NSD2: variants seen among roughly 807,000 people sequenced by gnomAD.
NSD2 encodes nuclear receptor binding SET domain protein 2.
NSD2 carries 12 observed loss-of-function variants against 139.0 expected under a neutral mutation model. The observed-to-expected ratio is 0.09, with a 90% CI of 0.06 to 0.14. The LOEUF (loss-of-function observed/expected upper bound fraction) is 0.14. NSD2 is among the 10% of genes least tolerant of loss of function. The pLI is 1.00. For synonymous variants in NSD2, 669 were observed against 648.7 expected (o/e 1.03, Z -0.48); for missense variants, 1,155 against 1,745.0 (o/e 0.66, Z 6.02).
chr4:1,899,242 C>A (rs1410572391), intron 1 of NSD2: 1 of 152,202 alleles, frequency 6.6e-6, no homozygotes, highest in African/African-American at 2.4e-5. Context: ...TCTGTGGAGA[C>A]TGCGGGTTGC....
At chr4:1,920,460 G>A (rs1274465379) in intron 5 of NSD2, among the ~76,000 whole-genome samples, 1 of 152,140 alleles carries the variant, frequency 6.6e-6, no homozygotes, top group Admixed American at 6.6e-5. Flanking sequence ...AGGGTGATTT[G>A]ATGTTAGAAA....
chr4:1,886,706 C>T (rs764915930), intron 1 of NSD2, among the ~76,000 whole-genome samples: 13 of 151,938 alleles, frequency 8.6e-5, no homozygotes, highest in Non-Finnish European at 1.5e-4. Flanking sequence ...GGCGTGGTGG[C>T]GTGCACCTGT....
intron 11 of NSD2, chr4:1,952,927 C>G: frequency 7.1e-7 from 1 of 1,413,916 alleles, no homozygotes; most frequent in South Asian, 1.6e-5. Flanking sequence ...ACAGCAGCAC[C>G]TCACTTATGG....
intron 1 of NSD2, among the ~76,000 whole-genome samples, chr4:1,878,237 A>ATATATATATG (rs1714412303): frequency 3.3e-5 from 1 of 29,858 alleles, no homozygotes; most frequent in Admixed American, 4.2e-4. Context: ...ATATATATAT[A>ATATATATATG]TATATATATA....
rs928775781 is a variant in NSD2, at chr4:1,948,903, G to A, written c.1882-2169G>A. ...AAGCTTTTTAAGTTTGTTCCACCAC[G>A]TTAAGGGAAGAGCATGGGTTGGTGG... On this transcript the variant is annotated intron_variant, in intron 9 of 21. Transcript: ENST00000508803. The surrounding 1 kb of genome is among the most constrained non-coding windows in gnomAD (Gnocchi z 4.5). 8.1e-6 allele frequency: 6 copies of A among 744,574 alleles called. No homozygotes were observed. The highest frequency in any genetic ancestry group is 5.7e-5 in the African/African-American group (3 of 52,578). The allele number at this position is 744,574 out of a possible 1,614,324, so 46.1% of individuals were successfully genotyped here.
Position 1,872,633 on chromosome 4 carries a change from A to C in NSD2, c.-30+1091A>C, listed in dbSNP as rs547636015. ...GAGAGAGAGAGAGAGAGAGAGAGAG[A>C]GAGCGCGCAGACCCTGTGAAGACAA... On this transcript the variant is annotated intron_variant, in intron 1 of 21. Transcript: ENST00000508803. Among the ~76,000 whole-genome samples the C allele has an allele frequency of 4.6e-3, 602 of 131,108 alleles. 4 individuals carry two copies. The highest frequency in any genetic ancestry group is 8.2e-3 in the Non-Finnish European group (484 of 58,896). 86.0% of individuals were successfully genotyped at this position (131,108 alleles called of 152,430 possible).
At position 1,942,438 on chromosome 4, in the gene NSD2, G is replaced by A. The variant is rs756450084; in HGVS notation, c.1881+2660G>A. The A allele has an allele frequency of 3.8e-6, 6 of 1,598,458 alleles. No individual in the cohort carries two copies. The highest frequency in any genetic ancestry group is 2.3e-5 in the South Asian group (2 of 87,576). On this transcript the variant is annotated intron_variant, in intron 9 of 21. Coordinates refer to ENST00000508803, the MANE Select transcript of NSD2 (RefSeq NM_001042424.3). The surrounding 1 kb of genome is among the most constrained non-coding windows in gnomAD (Gnocchi z 4.0). ...ATTCCAGGATGCTGCTGCAGGTGGC[G>A]TATCATCGTACACACTCAGTGACAT...
chr4:1,958,393 C>T lies in NSD2; in HGVS notation c.2985+357C>T, dbSNP rs1282023777. Among the ~76,000 whole-genome samples, 3 of 152,234 alleles carry T rather than the reference C, an allele frequency of 2.0e-5. No individual in the cohort carries two copies. The highest frequency in any genetic ancestry group is 4.4e-5 in the Non-Finnish European group (3 of 68,028). On this transcript the variant is annotated intron_variant, in intron 16 of 21. Transcript: ENST00000508803. The surrounding 1 kb of genome is among the most constrained non-coding windows in gnomAD (Gnocchi z 4.6). ...GTCACATACGGCCAGGGCTCAGTGACTGAGCCCCAAACACGTAGATCCTGT... is the reference window on the plus strand; with the variant it reads ...GTCACATACGGCCAGGGCTCAGTGATTGAGCCCCAAACACGTAGATCCTGT...
In NSD2 at chr4:1,948,073, GA is replaced by G; in HGVS notation, c.1882-2997del. 9.5e-7 allele frequency: 1 copy of G among 1,058,138 alleles called. No homozygotes were observed. The highest frequency in any genetic ancestry group is 4.6e-5 in the South Asian group (1 of 21,908). 65.5% of individuals were successfully genotyped at this position (1,058,138 alleles called of 1,614,324 possible). A position where few individuals can be genotyped will look rare whatever the true frequency, so the allele number is the denominator to read the frequency against. On this transcript the variant is annotated intron_variant, in intron 9 of 21. Transcript: ENST00000508803. The surrounding 1 kb of genome is among the most constrained non-coding windows in gnomAD (Gnocchi z 4.5). The stretch of plus-strand genomic sequence containing the variant: ...GGAGACTGCATTCCCTGCCCTGAAG[GA>G]ATGTATTTCTAAGGCAAATAGGCAA...
chr4:1,917,885 A>T (rs551330849), intron 4 of NSD2, among the ~76,000 whole-genome samples: 12 of 143,812 alleles, frequency 8.3e-5, no homozygotes, highest in Non-Finnish European at 1.6e-4. Flanking sequence ...AGTTCAAGTG[A>T]TTCTCATGTC....
rs754994775 is a variant in NSD2, at chr4:1,948,537, G to T, written c.1882-2535G>T. On this transcript the variant is annotated intron_variant, in intron 9 of 21. Coordinates refer to ENST00000508803, the MANE Select transcript of NSD2 (RefSeq NM_001042424.3). The surrounding 1 kb of genome is among the most constrained non-coding windows in gnomAD (Gnocchi z 4.5). ...CCTCCCCGACTGTGGCTAGTTGTCT[G>T]TCCGGTGGCTGGGAGGGGGTGTGGT... The T allele has an allele frequency of 4.7e-6, 5 of 1,064,714 alleles. No individual in the cohort carries two copies. Among genetic ancestry groups the T allele is most frequent in the African/African-American group, 1.6e-5 (1 of 60,900 alleles). The allele number at this position is 1,064,714 out of a possible 1,614,324, so 66.0% of individuals were successfully genotyped here.
intron 9 of NSD2, chr4:1,941,183 TAAATG>T: frequency 9.5e-7 from 1 of 1,054,408 alleles, no homozygotes; most frequent in Non-Finnish European, 1.1e-6. Flanking sequence ...CTTAGAAAAT[TAAATG>T]AAAGGTCATT....
At chr4:1,872,542 T>G (rs1713870694) in intron 1 of NSD2, among the ~76,000 whole-genome samples, 1 of 149,468 alleles carries the variant, frequency 6.7e-6, no homozygotes, top group Non-Finnish European at 1.5e-5. Context: ...CGTTAATCGT[T>G]TTTAGGTAGA....
chr4:1,904,164 C>T (rs756733500), intron 2 of NSD2, 52 bp from the exon 3 acceptor site: 7 of 1,579,152 alleles, frequency 4.4e-6, no homozygotes, highest in Non-Finnish European at 6.0e-6. Flanking sequence ...CTTCTGGATA[C>T]ACAGGTAGTG....
At chr4:1,896,078 T>C (rs539761981) in intron 1 of NSD2, among the ~76,000 whole-genome samples, 4 of 152,388 alleles carry the variant, frequency 2.6e-5, no homozygotes, top group Admixed American at 1.3e-4. Flanking sequence ...GTAGAGGCTC[T>C]TGGCCGGGGT....
At position 1,976,753 on chromosome 4, in the gene NSD2, T is replaced by C. The variant is rs1318573786; in HGVS notation, c.3826+74T>C. On this transcript the variant is annotated intron_variant, in intron 21 of 21. Coordinates refer to ENST00000508803, the MANE Select transcript of NSD2 (RefSeq NM_001042424.3). The surrounding 1 kb of genome is among the most constrained non-coding windows in gnomAD (Gnocchi z 5.3). ...CTCCTGATGGCGGCTGCTGCCGCTC[T>C]TCCTGCTGACCGGGCCTCATCTGGG... 1.4e-6 allele frequency: 2 copies of C among 1,473,220 alleles called. No individual in the cohort carries two copies. The highest frequency in any genetic ancestry group is 1.8e-6 in the Non-Finnish European group (2 of 1,098,994). The allele number at this position is 1,473,220 out of a possible 1,614,324, so 91.3% of individuals were successfully genotyped here.
At chr4:1,964,628 C>G (rs754851287) in intron 18 of NSD2, among the ~76,000 whole-genome samples, 9 of 150,944 alleles carry the variant, frequency 6.0e-5, no homozygotes, top group East Asian at 3.9e-4. Context: ...AAGAGGTGCG[C>G]TGCGCTGCCG....
chr4:1,876,754 CT>C (rs59360543), intron 1 of NSD2, among the ~76,000 whole-genome samples: 2 of 151,116 alleles, frequency 1.3e-5, no homozygotes, highest in South Asian at 2.1e-4. Context: ...AGAAAAAATG[CT>C]TTTTTTTTCT....
intron 1 of NSD2, among the ~76,000 whole-genome samples, chr4:1,890,340 C>T (rs1206315779): frequency 1.3e-5 from 2 of 152,148 alleles, no homozygotes; most frequent in East Asian, 3.9e-4. Context: ...GCTCTGTCGC[C>T]TAGGCTGGAG....
Sources: allele counts gnomAD v4.1 joint callset (sites outside exome capture counted in the v4.1 genomes callset), GRCh38; gene constraint gnomAD v4.1.1; non-coding constraint Gnocchi (gnomAD v3.1); transcripts MANE v1.5; gene names NCBI Gene and HGNC (gene_info 2026-07-23, HGNC 2026-07-21).